Variants in SYT1 observed in about 807,000 individuals in gnomAD.
The protein encoded by SYT1 is synaptotagmin-1.
A neutral mutation model predicts 44.8 loss-of-function variants in SYT1; 8 were observed. That is an observed-to-expected ratio of 0.18 (90% CI 0.10 to 0.32). SYT1 has a LOEUF of 0.32. Among genes scored for constraint, SYT1 ranks in the 10% least tolerant of loss-of-function variants. The probability of loss-of-function intolerance (pLI) is 1.00; values close to 1 mark genes in which losing one functional copy is unlikely to be tolerated. For missense variants in SYT1, 286 were observed against 509.3 expected (o/e 0.56, Z 4.22); for synonymous variants, 154 against 188.8 (o/e 0.82, Z 1.51).
At chr12:79,094,338 A>G (rs2138017747) in intron 3 of SYT1, among the ~76,000 whole-genome samples, 1 of 151,952 alleles carries the variant, frequency 6.6e-6, no homozygotes, top group East Asian at 1.9e-4. Context: ...AAGTCACATG[A>G]ACTTGAAAAG....
intron 9 of SYT1, among the ~76,000 whole-genome samples, chr12:79,398,881 C>A (rs969204955): frequency 2.0e-5 from 3 of 152,060 alleles, no homozygotes; most frequent in Non-Finnish European, 4.4e-5. Context: ...AACAGTAATT[C>A]CTTTTACAGT....
chr12:79,015,321 A>G (rs974816852), intron 2 of SYT1, among the ~76,000 whole-genome samples: 1 of 152,200 alleles, frequency 6.6e-6, no homozygotes, highest in Non-Finnish European at 1.5e-5. Flanking sequence ...CTTATGCTGC[A>G]TAGACTGGAC....
intron 4 of SYT1, among the ~76,000 whole-genome samples, chr12:79,236,008 A>G (rs1876167499): frequency 6.6e-6 from 1 of 152,006 alleles, no homozygotes; most frequent in Non-Finnish European, 1.5e-5. Context: ...CCACTTTTGG[A>G]CCCCCATTGT....
At chr12:79,400,810 T>C (rs10861975) in intron 9 of SYT1, among the ~76,000 whole-genome samples, 76,356 of 152,174 alleles carry the variant, frequency 0.5, 23,740 homozygotes, top group Non-Finnish European at 0.69. Flanking sequence ...GCCTCAGTAG[T>C]GCATTTGGTT....
chr12:79,078,638 C>A (rs1876821792), intron 3 of SYT1, among the ~76,000 whole-genome samples: 1 of 152,002 alleles, frequency 6.6e-6, no homozygotes, highest in African/African-American at 2.4e-5. Context: ...AACCCATCAC[C>A]TAGGTATTAT....
chr12:79,414,938 G>C (rs1420529201), intron 9 of SYT1, among the ~76,000 whole-genome samples: 2 of 152,242 alleles, frequency 1.3e-5, no homozygotes, highest in South Asian at 4.1e-4. Context: ...GTGCAAAACA[G>C]ACAAATCTCT....
chr12:78,874,809 G>C (rs752298021), intron 1 of SYT1, among the ~76,000 whole-genome samples: 5 of 151,510 alleles, frequency 3.3e-5, no homozygotes, highest in African/African-American at 1.2e-4. Flanking sequence ...TTAACGACTG[G>C]TATGATTATA....
chr12:79,296,338 G>A, intron 7 of SYT1, 102 bp downstream of exon 7: 1 of 1,208,008 alleles, frequency 8.3e-7, no homozygotes, highest in Non-Finnish European at 1.1e-6. Flanking sequence ...TGCTTGTTCA[G>A]GCACTCACAA....
chr12:78,965,435 G>C (rs1009868842), intron 1 of SYT1, among the ~76,000 whole-genome samples: 1 of 152,154 alleles, frequency 6.6e-6, no homozygotes, highest in Non-Finnish European at 1.5e-5. Flanking sequence ...CTGAATATTT[G>C]TGCTTGATTT....
chr12:79,173,512 G>A (rs1319739712), intron 3 of SYT1, among the ~76,000 whole-genome samples: 5 of 151,982 alleles, frequency 3.3e-5, no homozygotes, highest in African/African-American at 9.7e-5. Context: ...CCCATCACTC[G>A]GTTGGAATAT....
intron 3 of SYT1, among the ~76,000 whole-genome samples, chr12:79,107,302 T>C (rs1479872735): frequency 6.6e-6 from 1 of 152,122 alleles, no homozygotes; most frequent in East Asian, 1.9e-4. Context: ...ATAGTGTTTG[T>C]ATAATATAAA....
chr12:79,390,225 G>T (rs917032742), intron 9 of SYT1, among the ~76,000 whole-genome samples: 2 of 152,056 alleles, frequency 1.3e-5, no homozygotes, highest in Non-Finnish European at 2.9e-5. Context: ...GAACCACCGC[G>T]CCCGGCCTCC....
intron 8 of SYT1, chr12:79,341,117 G>A (rs1345487648): frequency 5.3e-5 from 8 of 152,202 alleles, no homozygotes; most frequent in African/African-American, 1.9e-4. Flanking sequence ...CCAACATAAG[G>A]GTTTGACATA....
chr12:79,341,220 T>A (rs1003223044), intron 8 of SYT1: 6 of 152,196 alleles, frequency 3.9e-5, no homozygotes, highest in African/African-American at 1.2e-4. Context: ...AGTCATTTAT[T>A]TATTATTAGT....
At chr12:79,208,356 C>CA (rs1565855866) in intron 3 of SYT1, among the ~76,000 whole-genome samples, 1 of 152,138 alleles carries the variant, frequency 6.6e-6, no homozygotes, top group African/African-American at 2.4e-5. Flanking sequence ...CAACTGCACA[C>CA]AAAGCATAAA....
At chr12:79,303,417 A>G (rs78448863) in intron 8 of SYT1, among the ~76,000 whole-genome samples, 1 of 151,892 alleles carries the variant, frequency 6.6e-6, no homozygotes, top group East Asian at 1.9e-4. Context: ...TTTTTTTTTA[A>G]CATTCCGCCC....
chr12:79,071,420 A>G (rs553415498), intron 3 of SYT1, among the ~76,000 whole-genome samples: 1 of 152,306 alleles, frequency 6.6e-6, no homozygotes, highest in Non-Finnish European at 1.5e-5. Context: ...AAAGAGTACA[A>G]GGAAAGAAGT....
intron 1 of SYT1, among the ~76,000 whole-genome samples, chr12:78,973,867 C>T (rs1408339575): frequency 3.0e-5 from 4 of 133,352 alleles, no homozygotes; most frequent in Non-Finnish European, 4.7e-5. Context: ...AAAATTAACT[C>T]TTGTAGATTT....
At chr12:78,988,071 A>G (rs1234070777) in intron 2 of SYT1, among the ~76,000 whole-genome samples, 1 of 152,036 alleles carries the variant, frequency 6.6e-6, no homozygotes, top group Non-Finnish European at 1.5e-5. Flanking sequence ...TGGTCAAGAA[A>G]TCAAACCTGT....
Sources: allele counts gnomAD v4.1 joint callset (sites outside exome capture counted in the v4.1 genomes callset), GRCh38; gene constraint gnomAD v4.1.1; transcripts MANE v1.5; gene names NCBI Gene and HGNC (gene_info 2026-07-23, HGNC 2026-07-21).